Variants in SHCBP1L observed in about 807,000 individuals in gnomAD.
SHCBP1L encodes testicular spindle-associated protein SHCBP1L.
Under a neutral mutation model 62.5 loss-of-function variants are expected in SHCBP1L, and 67 were observed. The observed-to-expected ratio is 1.07, with a 90% CI of 0.88 to 1.31. The LOEUF (loss-of-function observed/expected upper bound fraction) is 1.31. Ranked by LOEUF, SHCBP1L falls within the 40% of genes most tolerant of loss-of-function variation. The probability of loss-of-function intolerance (pLI) is 0.00; values close to 1 mark genes in which losing one functional copy is unlikely to be tolerated. For missense variants in SHCBP1L, 823 were observed against 809.8 expected, an observed-to-expected ratio of 1.02 and a Z score of -0.20; for synonymous variants, 284 against 289.4, an observed-to-expected ratio of 0.98 and a Z score of 0.19.
intron 1 of SHCBP1L, chr1:182,951,861 A>G (rs900244107): frequency 1.6e-4 from 51 of 328,044 alleles, no homozygotes; most frequent in Non-Finnish European, 2.6e-4. Flanking sequence ...TTTCTATAAA[A>G]GAAAGTCATG....
intron 5 of SHCBP1L, among the ~76,000 whole-genome samples, chr1:182,937,871 T>A (rs573818197): frequency 6.6e-6 from 1 of 152,232 alleles, no homozygotes; most frequent in Non-Finnish European, 1.5e-5. Context: ...GTCTCTGTGA[T>A]ATTTGCTTTG....
At chr1:182,927,081 T>C (rs892410894) in intron 6 of SHCBP1L, among the ~76,000 whole-genome samples, 1 of 31,056 alleles carries the variant, frequency 3.2e-5, no homozygotes, top group Admixed American at 4.0e-4. Flanking sequence ...TATATATATA[T>C]ATATATATAT....
At chr1:182,913,806 C>A (rs1650267280) in intron 6 of SHCBP1L, among the ~76,000 whole-genome samples, 1 of 152,164 alleles carries the variant, frequency 6.6e-6, no homozygotes, top group African/African-American at 2.4e-5. Flanking sequence ...CATGGCGAAA[C>A]CCCATCTCTA....
intron 1 of SHCBP1L, chr1:182,951,894 C>T (rs780773047): frequency 6.9e-5 from 25 of 359,862 alleles, no homozygotes; most frequent in Admixed American, 3.3e-5. Flanking sequence ...GTGGCTCATG[C>T]CTGTAATCCC....
At chr1:182,905,461 GC>G (rs1388140977) in intron 7 of SHCBP1L, 34 bp downstream of exon 7, 1 of 1,603,874 alleles carries the variant, frequency 6.2e-7, no homozygotes, top group Admixed American at 1.7e-5. Context: ...AGTATACATT[GC>G]TGTAAAAAAA....
intron 6 of SHCBP1L, among the ~76,000 whole-genome samples, chr1:182,926,859 T>C (rs1650767800): frequency 6.6e-6 from 1 of 151,884 alleles, no homozygotes; most frequent in South Asian, 2.1e-4. Context: ...CTAAGCATAT[T>C]ACAAATATAA....
rs191938128 is a variant in SHCBP1L at position 182,929,115 on chromosome 1, G to T, written c.1182+532C>A. ...GTGAAATGAAAATATTTGCTCTTTG[G>T]CTCAGAACATTTGTTTGTTCTTGAG... is the stretch of plus-strand genomic sequence containing the variant. On this transcript the variant is annotated intron_variant, in intron 6 of 9. Transcript: ENST00000367547. 3.4e-3 allele frequency among the ~76,000 whole-genome samples: 514 copies of T among 152,208 alleles called. 1 individual carries two copies. The highest frequency in any genetic ancestry group is 5.2e-3 in the Non-Finnish European group (355 of 67,968).
intron 6 of SHCBP1L, among the ~76,000 whole-genome samples, chr1:182,927,706 T>TTG (rs1650821793): frequency 6.6e-6 from 1 of 150,420 alleles, no homozygotes. Flanking sequence ...TATGCACAGC[T>TTG]ATACTACTAT....
chr1:182,948,641 G>A (rs1054620655), intron 2 of SHCBP1L, among the ~76,000 whole-genome samples: 5 of 152,186 alleles, frequency 3.3e-5, no homozygotes, highest in Admixed American at 6.5e-5. Context: ...GACCTACAGA[G>A]TTGTAAGATA....
At chr1:182,922,164 C>A (rs571843285) in intron 6 of SHCBP1L, among the ~76,000 whole-genome samples, 1 of 152,106 alleles carries the variant, frequency 6.6e-6, no homozygotes, top group Admixed American at 6.6e-5. Flanking sequence ...TTCTTAGAAA[C>A]CTATCAGGAG....
In SHCBP1L at chr1:182,927,050, CTATATATATATATA is replaced by C. The variant is rs58308065; in HGVS notation, c.1182+2583_1182+2596del. On this transcript the variant is annotated intron_variant, in intron 6 of 9. Transcript: ENST00000367547. ...TTAGAGCCCATGCTCTTAACTAGCA[CTATATATATATATA>C]TATATATATATATATATATATATAT... Among the ~76,000 whole-genome samples the C allele has an allele frequency of 2.6e-3, 232 of 90,494 alleles. 1 individual carries two copies. Among genetic ancestry groups the C allele is most frequent in the African/African-American group, 3.6e-3 (90 of 24,812 alleles). The allele number at this position is 90,494 out of a possible 152,430, so 59.4% of individuals were successfully genotyped here.
chr1:182,915,219 C>T (rs565445345), intron 6 of SHCBP1L, among the ~76,000 whole-genome samples: 5 of 81,574 alleles, frequency 6.1e-5, no homozygotes, highest in South Asian at 4.9e-4. Flanking sequence ...GATTCAAAGA[C>T]ACAAGTAGGT....
chr1:182,911,076 G>A (rs1650171410), intron 6 of SHCBP1L, among the ~76,000 whole-genome samples: 1 of 152,072 alleles, frequency 6.6e-6, no homozygotes, highest in African/African-American at 2.4e-5. Context: ...TTTTAGTAGA[G>A]GTGGGGTTTC....
At chr1:182,928,365 A>G (rs1650852338) in intron 6 of SHCBP1L, among the ~76,000 whole-genome samples, 1 of 152,216 alleles carries the variant, frequency 6.6e-6, no homozygotes, top group African/African-American at 2.4e-5. Flanking sequence ...AGAAGCTCAC[A>G]TACTAGTGAA....
In SHCBP1L at chr1:182,904,180, C is replaced by G. The variant is rs777309876; in HGVS notation, c.1587G>C (p.Gln529His). The change falls in exon 8 of 10, where the codon CAG becomes CAC. Residue 529 changes from glutamine to histidine, a missense_variant and splice_region_variant. Coordinates refer to ENST00000367547, the MANE Select transcript of SHCBP1L (RefSeq NM_030933.4). ...CCATACTTTTTAAAGAATGAAATAC[C>G]TGGGCGCCAGTTATTTCACTGTCTG... The part of the protein sequence containing the change: ...TITDSEITGA[Q>H]GAGVELYPGS... 6.2e-7 allele frequency: 1 copy of G among 1,613,522 alleles called. No homozygotes were observed. The highest frequency in any genetic ancestry group is 8.5e-7 in the Non-Finnish European group (1 of 1,179,812).
chr1:182,936,661 T>G (rs1651185667), intron 5 of SHCBP1L, among the ~76,000 whole-genome samples: 1 of 152,196 alleles, frequency 6.6e-6, no homozygotes, highest in Admixed American at 6.5e-5. Flanking sequence ...TTTATGATAT[T>G]GTTTCATTTA....
intron 8 of SHCBP1L, 76 bp from the exon 9 acceptor site, chr1:182,903,237 A>G: frequency 7.6e-7 from 1 of 1,317,146 alleles, no homozygotes; most frequent in East Asian, 2.6e-5. Flanking sequence ...AGACTTGAAA[A>G]TCGTAATTCT....
At chr1:182,925,601 C>T (rs1650720692) in intron 6 of SHCBP1L, among the ~76,000 whole-genome samples, 1 of 152,108 alleles carries the variant, frequency 6.6e-6, no homozygotes, top group African/African-American at 2.4e-5. Flanking sequence ...AATTGGAACT[C>T]TAATACTTTG....
rs1398612361 is a variant in SHCBP1L at position 182,930,547 on chromosome 1, GTGTGTA to G, written c.1077-801_1077-796del. The stretch of plus-strand genomic sequence containing the variant: ...TGCTAAGAGGATGTGGCTTTAGTGT[GTGTGTA>G]TATATATATATATATATATATATAT... On this transcript the variant is annotated intron_variant, in intron 5 of 9. Transcript: ENST00000367547. Among the ~76,000 whole-genome samples the G allele has an allele frequency of 3.2e-3, 296 of 92,822 alleles. 8 individuals are homozygous for G. The highest frequency in any genetic ancestry group is 9.3e-3 in the African/African-American group (234 of 25,124). The allele number at this position is 92,822 out of a possible 152,430, so 60.9% of individuals were successfully genotyped here. A position where few individuals can be genotyped will look rare whatever the true frequency, so the allele number is the denominator to read the frequency against.
Sources: allele counts gnomAD v4.1 joint callset (sites outside exome capture counted in the v4.1 genomes callset), GRCh38; gene constraint gnomAD v4.1.1; transcripts MANE v1.5; gene names NCBI Gene and HGNC (gene_info 2026-07-23, HGNC 2026-07-21).